Variants in CYRIB observed in about 807,000 individuals in gnomAD.
CYRIB encodes the protein CYFIP related Rac1 interactor B, also known as CYFIP-related Rac1 interactor B.
Under a neutral mutation model 44.2 loss-of-function variants are expected in CYRIB, and 8 were observed. That is an observed-to-expected ratio of 0.18 (90% CI 0.11 to 0.33). The LOEUF is 0.33. Among genes scored for constraint, CYRIB ranks in the 10% least tolerant of loss-of-function variants. The pLI, the probability that CYRIB is intolerant of heterozygous loss-of-function variation, is 1.00. For synonymous variants in CYRIB, 131 were observed against 127.2 expected, an observed-to-expected ratio of 1.03 and a Z score of -0.20; for missense variants, 185 against 382.8, an observed-to-expected ratio of 0.48 and a Z score of 4.31.
intron 1 of CYRIB, among the ~76,000 whole-genome samples, chr8:129,984,730 C>G (rs565828414): frequency 6.6e-6 from 1 of 152,260 alleles, no homozygotes; most frequent in African/African-American, 2.4e-5. Flanking sequence ...GTCCTGGGTC[C>G]TCTAGGAATG....
At chr8:129,979,684 G>A (rs934996223) in intron 1 of CYRIB, among the ~76,000 whole-genome samples, 2 of 152,168 alleles carry the variant, frequency 1.3e-5, no homozygotes, top group African/African-American at 4.8e-5. Context: ...GGGAGGCCAT[G>A]GCAAGCAGAT....
chr8:129,865,463 A>C (rs1345859276), intron 4 of CYRIB, among the ~76,000 whole-genome samples: 1 of 152,216 alleles, frequency 6.6e-6, no homozygotes, highest in Non-Finnish European at 1.5e-5. Context: ...CTATGTCGTG[A>C]TCATACGTAG....
chr8:129,870,963 G>C (rs1271817275), intron 4 of CYRIB, among the ~76,000 whole-genome samples: 2 of 152,140 alleles, frequency 1.3e-5, no homozygotes, highest in African/African-American at 4.8e-5. Flanking sequence ...AACAAAAAAT[G>C]AGATGAATGC....
chr8:129,983,526 T>C (rs1161565248), intron 1 of CYRIB, among the ~76,000 whole-genome samples: 1 of 152,176 alleles, frequency 6.6e-6, no homozygotes. Context: ...AAAAAAAGTT[T>C]TTAAATAAGA....
chr8:129,977,725 G>A (rs976868424), intron 1 of CYRIB, among the ~76,000 whole-genome samples: 1 of 151,988 alleles, frequency 6.6e-6, no homozygotes, highest in Non-Finnish European at 1.5e-5. Flanking sequence ...GTAGAGATGG[G>A]GTTTCACCGT....
chr8:129,883,437 C>T (rs1330089957), intron 2 of CYRIB, among the ~76,000 whole-genome samples: 1 of 152,142 alleles, frequency 6.6e-6, no homozygotes, highest in African/African-American at 2.4e-5. Context: ...ACAGATGCTA[C>T]ATAGGCAGCT....
chr8:129,943,843 C>A (rs2093936540), upstream of CYRIB, among the ~76,000 whole-genome samples: 1 of 149,348 alleles, frequency 6.7e-6, no homozygotes, highest in African/African-American at 2.5e-5. Flanking sequence ...ACGTGATCCG[C>A]CCGCCTCGGC....
chr8:129,920,344 CTATAAA>C (rs1184350637), intron 1 of CYRIB, among the ~76,000 whole-genome samples: 3 of 152,060 alleles, frequency 2.0e-5, no homozygotes, highest in Admixed American at 6.6e-5. Context: ...ATACACACAA[CTATAAA>C]TATATCATAT....
At chr8:129,997,938 T>C (rs929183592) in intron 1 of CYRIB, among the ~76,000 whole-genome samples, 1 of 151,762 alleles carries the variant, frequency 6.6e-6, no homozygotes, top group Non-Finnish European at 1.5e-5. Flanking sequence ...CTGGCCAACA[T>C]GGTGAAACCC....
At chr8:129,959,168 C>T (rs1042621924) in intron 2 of CYRIB, among the ~76,000 whole-genome samples, 1 of 150,990 alleles carries the variant, frequency 6.6e-6, no homozygotes, top group Non-Finnish European at 1.5e-5. Context: ...GTAGAAAAGT[C>T]ATTCAACAAA....
intron 1 of CYRIB, among the ~76,000 whole-genome samples, chr8:129,988,085 C>G (rs1042589969): frequency 6.6e-6 from 1 of 152,144 alleles, no homozygotes; most frequent in Non-Finnish European, 1.5e-5. Context: ...TGGATGCAGG[C>G]GGGCTGAGGC....
At chr8:129,906,647 C>T (rs1265981809) in intron 1 of CYRIB, among the ~76,000 whole-genome samples, 1 of 152,088 alleles carries the variant, frequency 6.6e-6, no homozygotes, top group Admixed American at 6.6e-5. Flanking sequence ...AAAGAAACTA[C>T]CATCAGAGTG....
intron 2 of CYRIB, among the ~76,000 whole-genome samples, chr8:129,945,662 G>T (rs1179076297): frequency 6.6e-6 from 1 of 152,084 alleles, no homozygotes; most frequent in African/African-American, 2.4e-5. Context: ...TCCGCCTCCC[G>T]AGTTCAAGCG....
At chr8:129,992,814 G>T (rs1272647556) in intron 1 of CYRIB, among the ~76,000 whole-genome samples, 1 of 152,170 alleles carries the variant, frequency 6.6e-6, no homozygotes, top group African/African-American at 2.4e-5. Flanking sequence ...AAGAAAATAT[G>T]ATAGTGGGAA....
At chr8:129,928,529 G>A (rs1250936298) in intron 1 of CYRIB, among the ~76,000 whole-genome samples, 1 of 151,912 alleles carries the variant, frequency 6.6e-6, no homozygotes, top group Non-Finnish European at 1.5e-5. Context: ...GCTTGGTGCT[G>A]CATGCCTGTA....
At chr8:129,938,939 A>G (rs2093293756) in intron 1 of CYRIB, among the ~76,000 whole-genome samples, 1 of 152,198 alleles carries the variant, frequency 6.6e-6, no homozygotes, top group African/African-American at 2.4e-5. Flanking sequence ...TATAGTAGAA[A>G]TTGCGCGTTT....
chr8:129,950,188 T>C (rs561584852), intron 2 of CYRIB, among the ~76,000 whole-genome samples: 1 of 152,318 alleles, frequency 6.6e-6, no homozygotes, highest in South Asian at 2.1e-4. Flanking sequence ...ATATTCAAAC[T>C]CGCAAAGTTG....
chr8:129,981,291 C>G (rs903719163), intron 1 of CYRIB, among the ~76,000 whole-genome samples: 2 of 152,156 alleles, frequency 1.3e-5, no homozygotes, highest in African/African-American at 2.4e-5. Context: ...AGGCACATGC[C>G]ACCACGCCTT....
At chr8:129,950,763 A>C (rs2094462009) in intron 2 of CYRIB, among the ~76,000 whole-genome samples, 1 of 152,210 alleles carries the variant, frequency 6.6e-6, no homozygotes, top group Non-Finnish European at 1.5e-5. Flanking sequence ...TGCCCACTGC[A>C]GCATTATTTA....
Sources: gnomAD v4.1 joint callset for allele counts (sites outside exome capture counted in the v4.1 genomes callset) on GRCh38, gnomAD v4.1.1 for gene constraint, MANE v1.5 for transcripts, NCBI Gene and HGNC (gene_info 2026-07-23, HGNC 2026-07-21) for gene names.